Variants in TMEM74 observed in about 807,000 individuals in gnomAD.
TMEM74 encodes transmembrane protein 74.
Under a neutral mutation model 18.1 loss-of-function variants are expected in TMEM74, and 13 were observed. The ratio of observed to expected loss-of-function variants is 0.72; its 90% CI spans 0.47 to 1.14. TMEM74 has a LOEUF of 1.14. Ranked by LOEUF, TMEM74 falls within the 50% of genes most tolerant of loss-of-function variation. The pLI, the probability that TMEM74 is intolerant of heterozygous loss-of-function variation, is 0.00. For synonymous variants in TMEM74, 159 were observed against 146.6 expected, an observed-to-expected ratio of 1.08 and a Z score of -0.61; for missense variants, 372 against 375.9, an observed-to-expected ratio of 0.99 and a Z score of 0.09.
chr8:108,691,533 T>A (rs959801178), intron 1 of TMEM74, among the ~76,000 whole-genome samples: 36 of 152,210 alleles, frequency 2.4e-4, no homozygotes, highest in Non-Finnish European at 1.8e-4. Flanking sequence ...AAACTGGAAA[T>A]GTTCATTGGC....
intron 1 of TMEM74, among the ~76,000 whole-genome samples, chr8:108,747,535 T>TTCTC (rs368524691): frequency 1.8e-4 from 27 of 150,060 alleles, no homozygotes; most frequent in Admixed American, 5.3e-4. Context: ...AGAAGCACAC[T>TTCTC]TCTCTCTCTC....
At chr8:108,623,496 G>T (rs1334578856) in intron 2 of TMEM74, among the ~76,000 whole-genome samples, 1 of 151,954 alleles carries the variant, frequency 6.6e-6, no homozygotes, top group African/African-American at 2.4e-5. Context: ...TTCTATGTTG[G>T]CTGTGAATAG....
At chr8:108,653,321 G>A (rs1812792410) in intron 2 of TMEM74, 2 of 154,440 alleles carry the variant, frequency 1.3e-5, no homozygotes, top group Middle Eastern at 7.4e-4. Flanking sequence ...GTGGGATGAT[G>A]GGCCTAAGAT....
chr8:108,635,822 G>T (rs1812601999), intron 2 of TMEM74, among the ~76,000 whole-genome samples: 1 of 151,942 alleles, frequency 6.6e-6, no homozygotes, highest in African/African-American at 2.4e-5. Context: ...CATTGTTCTT[G>T]AATACTTTAA....
At chr8:108,727,296 A>T (rs1813648562) in intron 1 of TMEM74, among the ~76,000 whole-genome samples, 1 of 152,192 alleles carries the variant, frequency 6.6e-6, no homozygotes, top group Non-Finnish European at 1.5e-5. Context: ...ATATAATTGC[A>T]AAGACAGAAA....
chr8:108,763,611 C>A (rs1034014628), intron 1 of TMEM74, among the ~76,000 whole-genome samples: 47 of 151,996 alleles, frequency 3.1e-4, no homozygotes, highest in Non-Finnish European at 6.8e-4. Context: ...GTCTGCCCTT[C>A]ATTATGGTGT....
intron 1 of TMEM74, among the ~76,000 whole-genome samples, chr8:108,729,123 G>C (rs1166648536): frequency 6.6e-6 from 1 of 152,156 alleles, no homozygotes; most frequent in African/African-American, 2.4e-5. Flanking sequence ...CTTGTTAACA[G>C]AGCTGCATTC....
chr8:108,718,517 A>T (rs545278271), intron 1 of TMEM74, among the ~76,000 whole-genome samples: 1 of 151,976 alleles, frequency 6.6e-6, no homozygotes, highest in African/African-American at 2.4e-5. Flanking sequence ...AAGAGCGCAG[A>T]CTCCTCTTGT....
At chr8:108,623,041 GC>G (rs898664333) in intron 2 of TMEM74, among the ~76,000 whole-genome samples, 8 of 151,846 alleles carry the variant, frequency 5.3e-5, no homozygotes, top group African/African-American at 1.5e-4. Context: ...GTTTTATTTT[GC>G]CAACCTCTCC....
At chr8:108,702,099 C>T (rs1323349440) in intron 1 of TMEM74, among the ~76,000 whole-genome samples, 2 of 151,972 alleles carry the variant, frequency 1.3e-5, no homozygotes, top group Non-Finnish European at 2.9e-5. Context: ...AATCCCAGCA[C>T]TTTGGGAGGA....
At chr8:108,620,646 T>C (rs1264960132) in intron 2 of TMEM74, among the ~76,000 whole-genome samples, 1 of 152,166 alleles carries the variant, frequency 6.6e-6, no homozygotes, top group Non-Finnish European at 1.5e-5. Flanking sequence ...ATATTCTTTC[T>C]AGTGAATCAG....
intron 2 of TMEM74, among the ~76,000 whole-genome samples, chr8:108,643,412 G>A (rs1405293188): frequency 6.6e-6 from 1 of 152,130 alleles, no homozygotes; most frequent in African/African-American, 2.4e-5. Context: ...ATAACTTGAG[G>A]CCAGGGTAAT....
chr8:108,714,911 A>G (rs1813508565), intron 1 of TMEM74, among the ~76,000 whole-genome samples: 1 of 152,186 alleles, frequency 6.6e-6, no homozygotes, highest in Non-Finnish European at 1.5e-5. Context: ...CCATGTTTCC[A>G]TTCTATTTTT....
At position 108,782,149 on chromosome 8, in the gene TMEM74, T is replaced by C. The variant is rs896083401; in HGVS notation, c.*2032A>G. Among the ~76,000 whole-genome samples the C allele has an allele frequency of 1.8e-4, 27 of 152,326 alleles. No individual in the cohort carries two copies. Among genetic ancestry groups the C allele is most frequent in the African/African-American group, 6.0e-4 (25 of 41,572 alleles). On this transcript the variant is annotated 3_prime_UTR_variant, in exon 2 of 2. Transcript: ENST00000297459. The stretch of plus-strand genomic sequence containing the variant: ...CTCACTCAGCAGATCGTTTCCTTCT[T>C]GTTTCAACATCATCCAAAGTGGATC...
At chr8:108,768,715 A>G (rs2130669309) in intron 1 of TMEM74, among the ~76,000 whole-genome samples, 1 of 152,254 alleles carries the variant, frequency 6.6e-6, no homozygotes, top group East Asian at 1.9e-4. Flanking sequence ...CTTTTCTGCT[A>G]CCATCAGCTC....
Position 108,779,455 on chromosome 8 carries a change from A to G in TMEM74, c.*4726T>C, listed in dbSNP as rs930140168. Among the ~76,000 whole-genome samples, 3 of 152,184 alleles carry G rather than the reference A, an allele frequency of 2.0e-5. No homozygotes were observed. The highest frequency in any genetic ancestry group is 7.2e-5 in the African/African-American group (3 of 41,446). On this transcript the variant is annotated 3_prime_UTR_variant, in exon 2 of 2. Transcript: ENST00000297459. Reference sequence around the variant, plus strand: ...GGAATATACTCCCCATAGTCCCCTGAAATAAAATAACAATTCACGGTAAAA... The same window carrying G: ...GGAATATACTCCCCATAGTCCCCTGGAATAAAATAACAATTCACGGTAAAA...
intron 1 of TMEM74, among the ~76,000 whole-genome samples, chr8:108,691,844 A>T (rs564959198): frequency 1.9e-4 from 29 of 152,350 alleles, no homozygotes; most frequent in Non-Finnish European, 4.1e-4. Flanking sequence ...CTCTTTTTAC[A>T]TAGTACTTTA....
intron 1 of TMEM74, among the ~76,000 whole-genome samples, chr8:108,661,864 G>A (rs1422383379): frequency 1.3e-5 from 2 of 152,140 alleles, no homozygotes; most frequent in African/African-American, 4.8e-5. Context: ...GGAGGAAGGA[G>A]TTTGTGAAAT....
At chr8:108,755,487 A>G (rs1177316652) in intron 1 of TMEM74, among the ~76,000 whole-genome samples, 2 of 152,142 alleles carry the variant, frequency 1.3e-5, no homozygotes, top group African/African-American at 2.4e-5. Flanking sequence ...ACTTAAAACT[A>G]TGTAATGCCT....
Sources: gnomAD v4.1 joint callset for allele counts (sites outside exome capture counted in the v4.1 genomes callset) on GRCh38, gnomAD v4.1.1 for gene constraint, MANE v1.5 for transcripts, NCBI Gene and HGNC (gene_info 2026-07-23, HGNC 2026-07-21) for gene names.